The following TSPAN1 variants were observed in gnomAD, a reference collection of about 807,000 sequenced individuals.
TSPAN1 encodes the protein tetraspanin-1.
TSPAN1 carries 23 observed loss-of-function variants against 26.9 expected under a neutral mutation model. That is an observed-to-expected ratio of 0.85 (90% CI 0.62 to 1.21). The LOEUF is 1.21. TSPAN1 is among the 50% of genes most tolerant of loss of function. The pLI is 0.00. For missense variants in TSPAN1, 283 were observed against 298.4 expected (o/e 0.95, Z 0.38); for synonymous variants, 115 against 114.8 (o/e 1.00, Z -0.01).
the TSPAN1 span, chr1:46,194,836 G>A: frequency 3.1e-6 from 5 of 1,613,908 alleles, no homozygotes; most frequent in African/African-American, 5.3e-5. Context: ...GGCCTCTGAT[G>A]CCGGCACCTC....
At chr1:46,179,182 T>C (rs1657253351) in intron 1 of TSPAN1, among the ~76,000 whole-genome samples, 1 of 151,678 alleles carries the variant, frequency 6.6e-6, no homozygotes, top group Non-Finnish European at 1.5e-5. Flanking sequence ...TTTGCTTGAG[T>C]GCCGGCAAAT....
In TSPAN1 at chr1:46,185,580, A is replaced by C; in HGVS notation, c.*47A>C. 6.2e-7 allele frequency: 1 copy of C among 1,602,966 alleles called. No individual in the cohort carries two copies. On this transcript the variant is annotated 3_prime_UTR_variant, in exon 9 of 9. Transcript: ENST00000372003. ...TACTGCTGCCACATGGGAACTGTGAAGAGGCACCCTGGCAAGCAGCAGTGA... is the reference window on the plus strand; with the variant it reads ...TACTGCTGCCACATGGGAACTGTGACGAGGCACCCTGGCAAGCAGCAGTGA...
At chr1:46,177,580 A>T (rs1657211632) in intron 1 of TSPAN1, among the ~76,000 whole-genome samples, 1 of 152,152 alleles carries the variant, frequency 6.6e-6, no homozygotes, top group African/African-American at 2.4e-5. Flanking sequence ...AGCAAAAAAC[A>T]CCAAAAAATG....
rs1657396336 is a variant in TSPAN1 at position 46,184,998 on chromosome 1, G to A, written c.477G>A (p.Glu159=). ...CCGFTNYTDF[E]DSPYFKENSA... ...GCTTCACCAACTATACGGATTTTGAGGACTCACCCTACTTCAAAGAGAACA... is the reference window on the plus strand; with the variant it reads ...GCTTCACCAACTATACGGATTTTGAAGACTCACCCTACTTCAAAGAGAACA... The change falls in exon 7 of 9, where the codon GAG becomes GAA. Residue 159 remains glutamate (E), a synonymous_variant. Transcript: ENST00000372003. 1 of 1,614,154 alleles carries A rather than the reference G, an allele frequency of 6.2e-7. No individual in the cohort carries two copies. Among genetic ancestry groups the A allele is most frequent in the African/African-American group, 1.3e-5 (1 of 75,020 alleles).
chr1:46,184,114 A>AT, intron 3 of TSPAN1, 77 bp from the exon 4 acceptor site: 2 of 1,497,944 alleles, frequency 1.3e-6, no homozygotes, highest in Non-Finnish European at 1.9e-6. Context: ...CTCGGCTCCC[A>AT]TCCTTCTTAC....
Position 46,185,727 on chromosome 1 carries a change from TGGTGGGTGGATG to T in TSPAN1, c.*201_*212del. The T allele has an allele frequency of 1.6e-6, 1 of 639,342 alleles. No homozygotes were observed. Among genetic ancestry groups the T allele is most frequent in the Non-Finnish European group, 2.7e-6 (1 of 368,058 alleles). 39.6% of individuals were successfully genotyped at this position (639,342 alleles called of 1,614,324 possible). A position where few individuals can be genotyped will look rare whatever the true frequency, so the allele number is the denominator to read the frequency against. The stretch of plus-strand genomic sequence containing the variant: ...AGGCGATGCCTGACTTTCCTTCCAT[TGGTGGGTGGATG>T]GGTGGGGGGCATTCCAGAGCCTCTA... On this transcript the variant is annotated 3_prime_UTR_variant, in exon 9 of 9. Coordinates refer to ENST00000372003, the MANE Select transcript of TSPAN1 (RefSeq NM_005727.4).
downstream of TSPAN1, chr1:46,190,503 G>T: frequency 6.2e-7 from 1 of 1,607,198 alleles, no homozygotes; most frequent in Non-Finnish European, 8.5e-7. Context: ...CACTTCATAA[G>T]CTTCTTTCTT....
downstream of TSPAN1, chr1:46,189,339 T>G (rs778579837): frequency 3.1e-6 from 5 of 1,613,820 alleles, no homozygotes; most frequent in East Asian, 2.2e-5. Context: ...TTGGGGTGAC[T>G]GAGGGTGGCT....
At chr1:46,176,659 A>C (rs567612348) in intron 1 of TSPAN1, among the ~76,000 whole-genome samples, 1 of 152,388 alleles carries the variant, frequency 6.6e-6, no homozygotes, top group East Asian at 1.9e-4. Context: ...CCAGCCCAAG[A>C]GCCAGACAGC....
downstream of TSPAN1, chr1:46,189,925 CCT>C (rs1557669362): frequency 2.5e-6 from 4 of 1,614,006 alleles, no homozygotes; most frequent in Non-Finnish European, 3.4e-6. Context: ...TAGGTGTGGC[CCT>C]CTGTGTCTGG....
At chr1:46,188,726 G>A (rs548382504), downstream of TSPAN1, 93 of 1,605,194 alleles carry the variant, frequency 5.8e-5, 1 homozygote, top group South Asian at 9.9e-4. Context: ...AACTTATCCA[G>A]CTTTGGAAAT....
chr1:46,188,668 C>G (rs1571643622), downstream of TSPAN1: 2 of 1,568,050 alleles, frequency 1.3e-6, no homozygotes, highest in African/African-American at 2.7e-5. Context: ...CACAAAATCA[C>G]AATCACAAGA....
chr1:46,193,016 T>C, the TSPAN1 span: 2 of 1,609,048 alleles, frequency 1.2e-6, no homozygotes, highest in East Asian at 2.2e-5. Context: ...TGTGATCTCC[T>C]TTGCCCCCAA....
At chr1:46,195,197 C>T in the TSPAN1 span, among the ~76,000 whole-genome samples, 16 of 152,312 alleles carry the variant, frequency 1.1e-4, no homozygotes, top group African/African-American at 3.9e-4. Context: ...CTCTCTCTCC[C>T]GCCACTCTCT....
At chr1:46,192,295 C>A in the TSPAN1 span, 2 of 1,614,064 alleles carry the variant, frequency 1.2e-6, no homozygotes, top group African/African-American at 2.7e-5. Flanking sequence ...CCTCACCCTA[C>A]CCTGACAGTT....
the TSPAN1 span, chr1:46,193,238 G>A: frequency 0.037 from 60,413 of 1,614,048 alleles, 5,491 homozygotes; most frequent in East Asian, 0.37. Context: ...TGGGAATAGG[G>A]CACATGAGCT....
At chr1:46,190,473 C>A (rs193919335), downstream of TSPAN1, 2 of 1,597,126 alleles carry the variant, frequency 1.3e-6, no homozygotes, top group South Asian at 2.2e-5. Context: ...TAGGCCATAC[C>A]TGAGCAGCCT....
chr1:46,182,283 A>G (rs1657328609), intron 3 of TSPAN1, among the ~76,000 whole-genome samples: 1 of 146,500 alleles, frequency 6.8e-6, no homozygotes, highest in African/African-American at 2.6e-5. Flanking sequence ...ACTCTGGGAA[A>G]CCCAATTTAT....
chr1:46,178,437 G>T (rs1221030952), intron 1 of TSPAN1, among the ~76,000 whole-genome samples: 2 of 140,898 alleles, frequency 1.4e-5, no homozygotes, highest in Non-Finnish European at 3.1e-5. Context: ...CTCCTCAAAT[G>T]CCCCCTTCCC....
Sources: gnomAD v4.1 joint callset for allele counts (sites outside exome capture counted in the v4.1 genomes callset) on GRCh38, gnomAD v4.1.1 for gene constraint, MANE v1.5 for transcripts, NCBI Gene and HGNC (gene_info 2026-07-23, HGNC 2026-07-21) for gene names.